The following CSMD1 variants were observed in gnomAD, a reference collection of about 807,000 sequenced individuals.
The protein encoded by CSMD1 is CUB and Sushi multiple domains 1.
In CSMD1, 213 loss-of-function variants were observed where a neutral mutation model predicts 417.5. The ratio of observed to expected loss-of-function variants is 0.51; its 90% confidence interval spans 0.46 to 0.57. The LOEUF is 0.57. CSMD1 is among the 20% of genes least tolerant of loss of function. The pLI is 0.00. For missense variants in CSMD1, 6,923 were observed against 4,529.7 expected (o/e 1.53, Z -15.17); for synonymous variants, 2,862 against 1,736.8 (o/e 1.65, Z -16.11).
intron 1 of CSMD1, among the ~76,000 whole-genome samples, chr8:4,944,174 T>C (rs931158567): frequency 6.6e-6 from 1 of 152,074 alleles, no homozygotes; most frequent in African/African-American, 2.4e-5. Context: ...AGAGAAAAAA[T>C]CCACGAACTT....
At chr8:4,016,874 T>A (rs1001054229) in intron 4 of CSMD1, among the ~76,000 whole-genome samples, 1 of 152,170 alleles carries the variant, frequency 6.6e-6, no homozygotes, top group African/African-American at 2.4e-5. Context: ...TTTAGTTGGG[T>A]ATGGTTCACA....
chr8:4,750,545 A>G (rs1239610048), intron 1 of CSMD1, among the ~76,000 whole-genome samples: 1 of 152,168 alleles, frequency 6.6e-6, no homozygotes, highest in Non-Finnish European at 1.5e-5. Context: ...TGAAAATTTT[A>G]TCAGCATAGG....
At chr8:3,544,632 A>G (rs1248964841) in intron 10 of CSMD1, among the ~76,000 whole-genome samples, 1 of 152,066 alleles carries the variant, frequency 6.6e-6, no homozygotes, top group Non-Finnish European at 1.5e-5. Context: ...CTGGGAACGG[A>G]CCGTCCAATC....
At chr8:3,200,028 A>C (rs1796911490) in intron 32 of CSMD1, among the ~76,000 whole-genome samples, 1 of 152,182 alleles carries the variant, frequency 6.6e-6, no homozygotes, top group Admixed American at 6.5e-5. Context: ...AATATACTGT[A>C]ATCATTATTT....
At chr8:4,085,609 G>T (rs143810200) in intron 3 of CSMD1, among the ~76,000 whole-genome samples, 2 of 152,158 alleles carry the variant, frequency 1.3e-5, no homozygotes, top group African/African-American at 4.8e-5. Context: ...CAACTTGTGG[G>T]AACCTCACGG....
At chr8:3,476,131 C>G (rs1385242505) in intron 11 of CSMD1, among the ~76,000 whole-genome samples, 2 of 152,126 alleles carry the variant, frequency 1.3e-5, no homozygotes, top group African/African-American at 4.8e-5. Flanking sequence ...CTATTTGAGT[C>G]CAGGAGTTCA....
chr8:3,853,596 G>A (rs915690083), intron 5 of CSMD1, among the ~76,000 whole-genome samples: 2 of 151,842 alleles, frequency 1.3e-5, no homozygotes, highest in African/African-American at 2.4e-5. Flanking sequence ...TAAAAAAGAA[G>A]GCACTTATGA....
chr8:3,544,486 C>G lies in CSMD1; in HGVS notation c.1344+30459G>C, dbSNP rs1342760425. On this transcript the variant is annotated intron_variant, in intron 10 of 69. Coordinates refer to ENST00000635120, the MANE Select transcript of CSMD1 (RefSeq NM_033225.6). ...CTGTCCATGGAGTAGCTTGCTCTTT[C>G]CCAGTTGACGTTCTGAATAAACTTG... Among the ~76,000 whole-genome samples the G allele has an allele frequency of 2.6e-5, 4 of 151,786 alleles. No individual in the cohort carries two copies. The East Asian group carries it at 7.9e-4, about 30-fold the overall frequency.
intron 1 of CSMD1, among the ~76,000 whole-genome samples, chr8:4,991,299 A>G (rs1269051211): frequency 6.6e-6 from 1 of 152,156 alleles, no homozygotes; most frequent in Non-Finnish European, 1.5e-5. Flanking sequence ...TTGGGATTCA[A>G]CCTTTACAAT....
chr8:4,775,365 A>G (rs1796798121), intron 1 of CSMD1, among the ~76,000 whole-genome samples: 2 of 152,184 alleles, frequency 1.3e-5, no homozygotes, highest in Non-Finnish European at 2.9e-5. Flanking sequence ...TTTATAGAAA[A>G]GTGTTATTCA....
intron 5 of CSMD1, among the ~76,000 whole-genome samples, chr8:3,988,147 G>C (rs1814477328): frequency 1.3e-5 from 2 of 152,130 alleles, no homozygotes; most frequent in Non-Finnish European, 1.5e-5. Context: ...CTGCTGGGCA[G>C]TTGGGCTGGT....
chr8:3,825,600 A>G lies in CSMD1; in HGVS notation c.819-71558T>C, dbSNP rs138550312. Among the ~76,000 whole-genome samples the G allele has an allele frequency of 1.1e-3, 171 of 152,256 alleles. 1 individual carries two copies. The highest frequency in any genetic ancestry group is 4.8e-3 in the South Asian group (23 of 4,830). On this transcript the variant is annotated intron_variant, in intron 5 of 69. Coordinates refer to ENST00000635120, the MANE Select transcript of CSMD1 (RefSeq NM_033225.6). ...ACCTAGAAGAGTGGGGGAAGGGATT[A>G]ATAGAAGAGTACAGTTGGTTCTTAG...
intron 1 of CSMD1, among the ~76,000 whole-genome samples, chr8:4,992,291 G>C (rs914145206): frequency 3.9e-5 from 6 of 152,118 alleles, no homozygotes; most frequent in African/African-American, 1.4e-4. Context: ...GAATCCGCCC[G>C]GCACACACGT....
rs143136720 is a variant in CSMD1 at position 2,954,153 on chromosome 8, G to A, written c.10039+71C>T. 1.4e-4 allele frequency: 101 copies of A among 741,766 alleles called. No individual in the cohort carries two copies. The African/African-American group carries it at 1.6e-3, about 12-fold the overall frequency. 45.9% of individuals were successfully genotyped at this position (741,766 alleles called of 1,614,324 possible). ...TTCAGAAATTTAAATGTTGAAAATA[G>A]TTTCACTGTGCAGAGTAGAGAACAA... On this transcript the variant is annotated intron_variant, in intron 65 of 69. Coordinates refer to ENST00000635120, the MANE Select transcript of CSMD1 (RefSeq NM_033225.6).
chr8:4,595,731 G>C (rs1251876612), intron 2 of CSMD1, among the ~76,000 whole-genome samples: 4 of 152,094 alleles, frequency 2.6e-5, no homozygotes, highest in Non-Finnish European at 5.9e-5. Context: ...GGTAGACTTT[G>C]TTTCTAAAAA....
intron 5 of CSMD1, among the ~76,000 whole-genome samples, chr8:3,785,133 G>T (rs542270973): frequency 1.1e-4 from 16 of 152,144 alleles, no homozygotes; most frequent in Non-Finnish European, 2.4e-4. Flanking sequence ...GTGATGTTGG[G>T]TAAGTTCTTT....
chr8:4,234,574 G>C (rs1014081629), intron 3 of CSMD1, among the ~76,000 whole-genome samples: 41 of 152,004 alleles, frequency 2.7e-4, no homozygotes, highest in African/African-American at 9.7e-4. Context: ...ACAATTCTGC[G>C]CTGCTTTTTT....
chr8:4,438,280 G>C (rs759837776), intron 2 of CSMD1, among the ~76,000 whole-genome samples: 53 of 152,234 alleles, frequency 3.5e-4, no homozygotes, highest in South Asian at 6.2e-4. Flanking sequence ...AAGAGACCTG[G>C]GGCTTTCCTG....
chr8:3,425,487 C>G (rs1450548864), intron 12 of CSMD1, among the ~76,000 whole-genome samples: 1 of 149,654 alleles, frequency 6.7e-6, no homozygotes, highest in Non-Finnish European at 1.5e-5. Flanking sequence ...ACTTGGGAGG[C>G]TGAGGCAGGA....
Sources: gnomAD v4.1 joint callset for allele counts (sites outside exome capture counted in the v4.1 genomes callset) on GRCh38, gnomAD v4.1.1 for gene constraint, MANE v1.5 for transcripts, NCBI Gene and HGNC (gene_info 2026-07-23, HGNC 2026-07-21) for gene names.